Variants in LRRFIP1 observed in about 807,000 individuals in gnomAD.
LRRFIP1 encodes leucine-rich repeat flightless-interacting protein 1.
A neutral mutation model predicts 104.4 loss-of-function variants in LRRFIP1; 62 were observed. The ratio of observed to expected loss-of-function variants is 0.59; its 90% confidence interval spans 0.48 to 0.73. The LOEUF (loss-of-function observed/expected upper bound fraction) is 0.73. LRRFIP1 is among the 30% of genes least tolerant of loss of function. The pLI is 0.00. For missense variants in LRRFIP1, 796 were observed against 824.5 expected (o/e 0.97, Z 0.42); for synonymous variants, 300 against 299.0 (o/e 1.00, Z -0.03).
chr2:237,713,106 G>A (rs953212091), intron 2 of LRRFIP1, among the ~76,000 whole-genome samples: 1 of 151,962 alleles, frequency 6.6e-6, no homozygotes, highest in Non-Finnish European at 1.5e-5. Context: ...GCAGGAAGCT[G>A]ACCGGGGTTG....
At chr2:237,763,211 G>A (rs749903973) in intron 19 of LRRFIP1, 21 of 1,614,040 alleles carry the variant, frequency 1.3e-5, no homozygotes, top group South Asian at 2.2e-5. Flanking sequence ...GGATCACAAC[G>A]AAGAAGAGGG....
chr2:237,697,029 C>CT (rs947038151), intron 1 of LRRFIP1, among the ~76,000 whole-genome samples: 47 of 151,464 alleles, frequency 3.1e-4, no homozygotes, highest in South Asian at 4.2e-4. Context: ...TACTTTCCTT[C>CT]TTTTTTTTTA....
Position 237,627,617 on chromosome 2 carries a change from C to T in LRRFIP1, c.-28C>T. 8.0e-7 allele frequency: 1 copy of T among 1,257,376 alleles called. No homozygotes were observed. Among genetic ancestry groups the T allele is most frequent in the Non-Finnish European group, 1.0e-6 (1 of 985,862 alleles). 77.9% of individuals were successfully genotyped at this position (1,257,376 alleles called of 1,614,324 possible). A position where few individuals can be genotyped will look rare whatever the true frequency, so the allele number is the denominator to read the frequency against. ...GGCGCGAGCGGCTGGAGCAACGGGC[C>T]CCGCGGCAGCTGCGGGCGACGCGGT... On this transcript the variant is annotated 5_prime_UTR_variant, in exon 1 of 24. Coordinates refer to ENST00000308482, the MANE Select transcript of LRRFIP1 (RefSeq NM_001137550.2).
chr2:237,734,414 G>T (rs1028000523), intron 9 of LRRFIP1, among the ~76,000 whole-genome samples: 11 of 151,402 alleles, frequency 7.3e-5, no homozygotes, highest in Admixed American at 6.6e-4. Flanking sequence ...CTGGGTAGCT[G>T]GGATTACAGG....
rs776173020 is a variant in LRRFIP1, at chr2:237,760,186, G to A, written c.1440G>A (p.Ser480=). 5.8e-5 allele frequency: 94 copies of A among 1,613,998 alleles called. No homozygotes were observed. Among genetic ancestry groups the A allele is most frequent in the Non-Finnish European group, 7.5e-5 (89 of 1,180,024 alleles). ...MTKEELNALK[S]TGDGTLDIRL... is the part of the protein sequence containing the mutation. ...AAGAAGAGTTAAATGCCCTCAAGTC[G>A]ACAGGGGATGGGACCCTAGGTAAGT... The change falls in exon 19 of 24, where the codon TCG becomes TCA. Residue 480 remains serine (S), a synonymous_variant. Coordinates refer to ENST00000308482, the MANE Select transcript of LRRFIP1 (RefSeq NM_001137550.2).
chr2:237,750,326 C>CTTTTTTTTTTTTTTTTTTTTTT (rs928510240), intron 13 of LRRFIP1, among the ~76,000 whole-genome samples: 2 of 60,704 alleles, frequency 3.3e-5, no homozygotes, highest in African/African-American at 6.4e-5. Context: ...TTCTTTCTTT[C>CTTTTTTTTTTTTTTTTTTTTTT]TTTTTTTTTT....
intron 23 of LRRFIP1, among the ~76,000 whole-genome samples, chr2:237,774,767 A>G (rs910029506): frequency 6.6e-6 from 1 of 152,244 alleles, no homozygotes; most frequent in Non-Finnish European, 1.5e-5. Flanking sequence ...TATGCTCCGA[A>G]TATTTTTTGT....
At chr2:237,655,462 T>C (rs34371201) in intron 1 of LRRFIP1, among the ~76,000 whole-genome samples, 20,398 of 152,040 alleles carry the variant, frequency 0.13, 1,872 homozygotes, top group Non-Finnish European at 0.21. Context: ...AGGATTGACA[T>C]TTGTAATTTT....
At chr2:237,681,883 T>G (rs1160257557) in intron 1 of LRRFIP1, among the ~76,000 whole-genome samples, 1 of 150,212 alleles carries the variant, frequency 6.7e-6, no homozygotes, top group Non-Finnish European at 1.5e-5. Flanking sequence ...GTTTCACCGT[T>G]TTAGCTGGGA....
chr2:237,704,061 A>G (rs868518684), intron 1 of LRRFIP1, among the ~76,000 whole-genome samples: 1 of 150,554 alleles, frequency 6.6e-6, no homozygotes, highest in Non-Finnish European at 1.5e-5. Context: ...GCTCTCCCCA[A>G]TGTCTGCCAT....
intron 1 of LRRFIP1, among the ~76,000 whole-genome samples, chr2:237,636,547 C>T (rs2083154427): frequency 6.6e-6 from 1 of 152,022 alleles, no homozygotes; most frequent in South Asian, 2.1e-4. Flanking sequence ...TAAGCAAATT[C>T]ACTTAATTTG....
rs780869086 is a variant in LRRFIP1 at position 237,729,716 on chromosome 2, G to A, written c.444+1781G>A. On this transcript the variant is annotated intron_variant, in intron 8 of 23. Transcript: ENST00000308482. The stretch of plus-strand genomic sequence containing the variant: ...CATGTTCGCCTTTTGAATGGGATGG[G>A]GGTGCTTTTGGAGTCGTAAGGAAGT... 10 of 777,250 alleles carry A rather than the reference G, an allele frequency of 1.3e-5. 1 individual carries two copies. The highest frequency in any genetic ancestry group is 5.7e-5 in the African/African-American group (3 of 52,648). 48.1% of individuals were successfully genotyped at this position (777,250 alleles called of 1,614,324 possible). A position where few individuals can be genotyped will look rare whatever the true frequency, so the allele number is the denominator to read the frequency against.
chr2:237,702,230 A>C (rs979310119), intron 1 of LRRFIP1, among the ~76,000 whole-genome samples: 20 of 152,242 alleles, frequency 1.3e-4, no homozygotes, highest in Non-Finnish European at 2.6e-4. Flanking sequence ...AATAAGACGC[A>C]ACAATAGAAC....
intron 6 of LRRFIP1, 177 bp downstream of exon 6, chr2:237,720,999 G>C: frequency 1.7e-6 from 1 of 604,508 alleles, no homozygotes; most frequent in Non-Finnish European, 3.0e-6. Context: ...TGTTGCTGTA[G>C]AGAGATGATT....
At chr2:237,762,124 C>T (rs1045187868) in intron 19 of LRRFIP1, among the ~76,000 whole-genome samples, 1 of 152,194 alleles carries the variant, frequency 6.6e-6, no homozygotes, top group African/African-American at 2.4e-5. Context: ...TAAAAGTGCA[C>T]TGAATATTCT....
intron 20 of LRRFIP1, among the ~76,000 whole-genome samples, chr2:237,771,556 C>A (rs1224424951): frequency 3.7e-5 from 3 of 80,544 alleles, no homozygotes; most frequent in East Asian, 1.2e-3. Flanking sequence ...ACCAATCCCC[C>A]CCCCCCCCCG....
chr2:237,676,568 C>T (rs1291649690), intron 1 of LRRFIP1, among the ~76,000 whole-genome samples: 2 of 152,142 alleles, frequency 1.3e-5, no homozygotes, highest in Non-Finnish European at 2.9e-5. Flanking sequence ...TTCAGTGACA[C>T]GATCTCGGCT....
chr2:237,761,146 C>T (rs1284646524), intron 19 of LRRFIP1, among the ~76,000 whole-genome samples: 1 of 152,356 alleles, frequency 6.6e-6, no homozygotes, highest in African/African-American at 2.4e-5. Flanking sequence ...CTCCAGGCCC[C>T]ATCTTCTCAG....
intron 11 of LRRFIP1, 56 bp downstream of exon 11, chr2:237,739,365 C>A: frequency 1.4e-6 from 2 of 1,416,924 alleles, no homozygotes; most frequent in South Asian, 1.2e-5. Flanking sequence ...TCCCCCTTCC[C>A]TTATCCTCCT....
Sources: allele counts gnomAD v4.1 joint callset (sites outside exome capture counted in the v4.1 genomes callset), GRCh38; gene constraint gnomAD v4.1.1; transcripts MANE v1.5; gene names NCBI Gene and HGNC (gene_info 2026-07-23, HGNC 2026-07-21).